The following CELF2 variants were observed in gnomAD, a reference collection of about 807,000 sequenced individuals.
CELF2 encodes CUG triplet repeat RNA-binding protein 2.
In CELF2, 8 loss-of-function variants were observed where a neutral mutation model predicts 62.6. The observed-to-expected ratio is 0.13, with a 90% confidence interval of 0.07 to 0.23. The LOEUF (loss-of-function observed/expected upper bound fraction) is 0.23, where lower values mean the gene tolerates loss of function less well. Ranked by LOEUF, CELF2 falls within the 10% of genes least tolerant of loss-of-function variation. The pLI is 1.00. For missense variants in CELF2, 333 were observed against 671.0 expected (o/e 0.50, Z 5.56); for synonymous variants, 258 against 250.0 (o/e 1.03, Z -0.30).
At chr10:10,775,669 A>G in the CELF2 span, among the ~76,000 whole-genome samples, 3 of 152,160 alleles carry the variant, frequency 2.0e-5, no homozygotes, top group African/African-American at 7.2e-5. Flanking sequence ...ACCAGGAGGC[A>G]GAGCATCAGG....
intron 7 of CELF2, among the ~76,000 whole-genome samples, chr10:11,274,557 G>A (rs984326370): frequency 2.0e-5 from 3 of 152,238 alleles, no homozygotes; most frequent in African/African-American, 7.2e-5. Context: ...ATGTAGTGGT[G>A]GCTGCAGCTG....
At chr10:10,539,416 G>A in the CELF2 span, among the ~76,000 whole-genome samples, 1 of 152,104 alleles carries the variant, frequency 6.6e-6, no homozygotes, top group Admixed American at 6.5e-5. Flanking sequence ...GAATCTCAAA[G>A]GCTTGCAAAG....
chr10:10,724,897 C>A, the CELF2 span, among the ~76,000 whole-genome samples: 1 of 152,086 alleles, frequency 6.6e-6, no homozygotes, highest in East Asian at 1.9e-4. Context: ...CAAGTGATGG[C>A]AAATTTGACA....
At chr10:10,986,440 A>G (rs537790621) in intron 2 of CELF2, among the ~76,000 whole-genome samples, 36 of 152,284 alleles carry the variant, frequency 2.4e-4, no homozygotes, top group African/African-American at 8.7e-4. Flanking sequence ...GGGTTTTCAT[A>G]TGAGATAAAT....
the CELF2 span, among the ~76,000 whole-genome samples, chr10:10,627,243 C>A: frequency 3.9e-5 from 6 of 152,148 alleles, no homozygotes; most frequent in Non-Finnish European, 7.4e-5. Flanking sequence ...TCTGAATAAA[C>A]AGATATACCT....
chr10:11,086,578 T>TAAAAAAAA lies in CELF2; in HGVS notation c.74+68440_74+68447dup, dbSNP rs1168932032. Among the ~76,000 whole-genome samples the TAAAAAAAA allele has an allele frequency of 4.8e-3, 343 of 71,948 alleles. 39 individuals are homozygous for TAAAAAAAA. Among genetic ancestry groups the TAAAAAAAA allele is most frequent in the Admixed American group, 0.015 (65 of 4,422 alleles). 47.2% of individuals were successfully genotyped at this position (71,948 alleles called of 152,430 possible). A position where few individuals can be genotyped will look rare whatever the true frequency, so the allele number is the denominator to read the frequency against. ...AATCCATGTCTCCATTTGCATTTGTTAAAAAAAAAAAAAAAAAAAAAAAAA... is the reference window on the plus strand; with the variant it reads ...AATCCATGTCTCCATTTGCATTTGTTAAAAAAAAAAAAAAAAAAAAAAAAAAAAAAAAA... On this transcript the variant is annotated intron_variant, in intron 1 of 12. Transcript: ENST00000633077.
chr10:11,076,382 G>T (rs1266764532), intron 1 of CELF2, among the ~76,000 whole-genome samples: 1 of 152,186 alleles, frequency 6.6e-6, no homozygotes, highest in Non-Finnish European at 1.5e-5. Flanking sequence ...CATTAGCATT[G>T]CAAGGACGTA....
At chr10:10,508,704 G>GTGTGTA in the CELF2 span, among the ~76,000 whole-genome samples, 649 of 60,836 alleles carry the variant, frequency 0.011, 10 homozygotes, top group African/African-American at 0.032. Flanking sequence ...GTGTGTGTGT[G>GTGTGTA]TATATTTTTT....
In CELF2 at chr10:10,818,832, C is replaced by G. The variant is rs563853573; in HGVS notation, c.53+20015C>G. Among the ~76,000 whole-genome samples the G allele has an allele frequency of 3.3e-5, 5 of 152,284 alleles. No individual in the cohort carries two copies. In the South Asian group the frequency reaches 1.0e-3, roughly 32 times the overall value. On this transcript the variant is annotated intron_variant, in intron 1 of 13. Coordinates refer to the CELF2 transcript ENST00000636488. ...ACCTCGAGTAATCTGCCTGCCTCGG[C>G]CTCCCAAAATGTTGGGATTACAGGC...
At chr10:10,673,699 A>G in the CELF2 span, among the ~76,000 whole-genome samples, 1 of 152,120 alleles carries the variant, frequency 6.6e-6, no homozygotes, top group Non-Finnish European at 1.5e-5. Flanking sequence ...CAAAGCACTG[A>G]TTTCGCTGCA....
At chr10:11,122,311 G>T (rs539804383) in intron 1 of CELF2, among the ~76,000 whole-genome samples, 1 of 152,132 alleles carries the variant, frequency 6.6e-6, no homozygotes, top group Non-Finnish European at 1.5e-5. Flanking sequence ...TTAAAAATTT[G>T]CAATAATGAT....
intron 1 of CELF2, among the ~76,000 whole-genome samples, chr10:11,131,404 A>G (rs1048282430): frequency 3.9e-5 from 6 of 152,196 alleles, no homozygotes; most frequent in Non-Finnish European, 7.3e-5. Context: ...AAGATCTGGG[A>G]TTCATCATCC....
the CELF2 span, among the ~76,000 whole-genome samples, chr10:10,626,621 A>G: frequency 6.6e-6 from 1 of 152,086 alleles, no homozygotes; most frequent in Non-Finnish European, 1.5e-5. Flanking sequence ...AGAGCTTGAT[A>G]TTTAATACTT....
chr10:10,741,359 A>C, the CELF2 span, among the ~76,000 whole-genome samples: 1 of 151,906 alleles, frequency 6.6e-6, no homozygotes, highest in African/African-American at 2.4e-5. Flanking sequence ...AAAAATACAA[A>C]AATTAGCTGG....
chr10:11,229,437 C>T (rs975081033), intron 3 of CELF2, among the ~76,000 whole-genome samples: 6 of 152,220 alleles, frequency 3.9e-5, no homozygotes, highest in African/African-American at 1.4e-4. Flanking sequence ...CAAAGGAAAG[C>T]GGTCCTTTGT....
chr10:10,686,246 C>A, the CELF2 span, among the ~76,000 whole-genome samples: 2 of 126,714 alleles, frequency 1.6e-5, no homozygotes, highest in Admixed American at 2.2e-4. Flanking sequence ...AACCAGGTAG[C>A]TTTACCTGGA....
intron 8 of CELF2, among the ~76,000 whole-genome samples, chr10:11,284,604 A>G (rs1448675874): frequency 1.4e-5 from 2 of 146,404 alleles, no homozygotes; most frequent in Non-Finnish European, 3.0e-5. Context: ...AATGATGGAT[A>G]GATAGATGGA....
intron 1 of CELF2, among the ~76,000 whole-genome samples, chr10:10,887,135 CTT>C (rs200724085): frequency 6.8e-6 from 1 of 146,036 alleles, no homozygotes; most frequent in Non-Finnish European, 1.5e-5. Context: ...CATTGTTACT[CTT>C]TTTTTTTTTT....
chr10:10,611,131 CCT>C, the CELF2 span, among the ~76,000 whole-genome samples: 1 of 152,042 alleles, frequency 6.6e-6, no homozygotes, highest in Admixed American at 6.6e-5. Context: ...CTCTGTATCC[CCT>C]GAGTTATTGT....
Sources: allele counts gnomAD v4.1 joint callset (sites outside exome capture counted in the v4.1 genomes callset), GRCh38; gene constraint gnomAD v4.1.1; transcripts MANE v1.5; gene names NCBI Gene and HGNC (gene_info 2026-07-23, HGNC 2026-07-21).